The following MYO7B variants were observed in gnomAD, a reference collection of about 807,000 sequenced individuals.
MYO7B encodes the protein myosin VIIB.
Under a neutral mutation model 259.7 loss-of-function variants are expected in MYO7B, and 212 were observed. The observed-to-expected ratio is 0.82, with a 90% CI of 0.73 to 0.91. The LOEUF (loss-of-function observed/expected upper bound fraction) is 0.91, where lower values mean the gene tolerates loss of function less well. MYO7B is among the 40% of genes least tolerant of loss of function. MYO7B has a pLI of 0.00. For missense variants in MYO7B, 2,732 were observed against 2,813.5 expected (o/e 0.97, Z 0.66); for synonymous variants, 1,197 against 1,166.4 (o/e 1.03, Z -0.54).
rs1677983978 is a variant in MYO7B, at chr2:127,559,646, G to T, written c.-23-54G>T. 1 of 1,551,148 alleles carries T rather than the reference G, an allele frequency of 6.4e-7. No homozygotes were observed. The highest frequency in any genetic ancestry group is 1.1e-5 in the South Asian group (1 of 89,784). On this transcript the variant is annotated intron_variant, in intron 1 of 47. Coordinates refer to ENST00000409816, the MANE Select transcript of MYO7B (RefSeq NM_001393586.1). The surrounding 1 kb of genome is among the most constrained non-coding windows in gnomAD (Gnocchi z 4.1). The stretch of plus-strand genomic sequence containing the variant: ...CAAGCCCAGCTCCTGTGCTCCAGGG[G>T]CTCCTATTGGGGCTGTGTATGGAGC...
At position 127,612,537 on chromosome 2, in the gene MYO7B, G is replaced by T. The variant is rs370023673; in HGVS notation, c.3332G>T (p.Arg1111Leu). 6.3e-7 allele frequency: 1 copy of T among 1,590,178 alleles called. No individual in the cohort carries two copies. The highest frequency in any genetic ancestry group is 1.2e-5 in the South Asian group (1 of 86,822). Residue 1111 changes from arginine to leucine, a missense_variant, in exon 26 of 48, where the codon CGG (arginine) becomes CTG (leucine). Physicochemically the swap from Arg to Leu is moderately radical, Grantham distance 102. This residue lies in a region of MYO7B where 1,906 missense variants were observed against 2,026.4 expected (regional missense o/e 0.94). Coordinates refer to ENST00000409816, the MANE Select transcript of MYO7B (RefSeq NM_001393586.1). ...ALEPDGLGAD[R>L]PMSNLEKVHF... Reference sequence around the variant, plus strand: ...GAGCCTGATGGCCTTGGTGCAGACCGGCCCATGTCCAACCTGGAGAAGGTG... The same window carrying T: ...GAGCCTGATGGCCTTGGTGCAGACCTGCCCATGTCCAACCTGGAGAAGGTG...
intron 38 of MYO7B, 146 bp from the exon 39 acceptor site, chr2:127,632,100 C>A: frequency 1.0e-6 from 1 of 991,410 alleles, no homozygotes; most frequent in Non-Finnish European, 1.4e-6. Flanking sequence ...CCTGGCACAG[C>A]TGGCATGGTG....
chr2:127,569,575 CAGA>C (rs762642258), intron 5 of MYO7B, among the ~76,000 whole-genome samples: 3 of 152,112 alleles, frequency 2.0e-5, no homozygotes, highest in Non-Finnish European at 4.4e-5. Context: ...CAGCCAAGCA[CAGA>C]AGAAAAGACA....
rs754690384 is a variant in MYO7B at position 127,610,028 on chromosome 2, G to A, written c.3192+12G>A. On this transcript the variant is annotated intron_variant, in intron 24 of 47. Transcript: ENST00000409816. ...GTAGATCTGCACAGGCAAGTGGGGG[G>A]CAGCAGCGGGCAGAGGAGGGCGACA... 8.7e-6 allele frequency: 14 copies of A among 1,606,746 alleles called. No individual in the cohort carries two copies. The highest frequency in any genetic ancestry group is 8.5e-6 in the Non-Finnish European group (10 of 1,177,754).
rs1436436350 is a variant in MYO7B, at chr2:127,636,303, A to G, written c.6102A>G (p.Gly2034=). The G allele has an allele frequency of 6.2e-7, 1 of 1,613,212 alleles. No individual in the cohort carries two copies. ...LKWICRWPTF[G]SAFFEVKQTS... is the part of the protein sequence containing the mutation. ...GGATCTGCCGGTGGCCCACCTTCGGATCCGCCTTCTTCGAGGTGAAGGTAA... is the reference window on the plus strand; with the variant it reads ...GGATCTGCCGGTGGCCCACCTTCGGGTCCGCCTTCTTCGAGGTGAAGGTAA... Residue 2034 remains glycine, a synonymous_variant, in exon 45 of 48, where the codon GGA becomes GGG. Transcript: ENST00000409816. This position sits in a 1 kb window ranked among gnomAD's most constrained non-coding sequence, Gnocchi z 4.5.
Position 127,584,362 on chromosome 2 carries a change from T to G in MYO7B, c.1554+30T>G. The G allele has an allele frequency of 5.6e-6, 9 of 1,606,532 alleles. No individual in the cohort carries two copies. The highest frequency in any genetic ancestry group is 7.7e-6 in the Non-Finnish European group (9 of 1,173,586). ...GTGTTCGGGCCTGCCGACCTTCTGGTGGAGGCCCTGCTATGGGTCTCCTCT... is the reference window on the plus strand; with the variant it reads ...GTGTTCGGGCCTGCCGACCTTCTGGGGGAGGCCCTGCTATGGGTCTCCTCT... On this transcript the variant is annotated intron_variant, in intron 13 of 47. Transcript: ENST00000409816. The surrounding 1 kb of genome is among the most constrained non-coding windows in gnomAD (Gnocchi z 5.8).
At position 127,636,364 on chromosome 2, in the gene MYO7B, G is replaced by C. The variant is rs111650987; in HGVS notation, c.6123+40G>C. The C allele has an allele frequency of 1.3e-6, 2 of 1,568,816 alleles. No homozygotes were observed. Among genetic ancestry groups the C allele is most frequent in the Non-Finnish European group, 1.8e-6 (2 of 1,140,958 alleles). The stretch of plus-strand genomic sequence containing the variant: ...ACGCCAGGGCCTCCTACCCAAGCAG[G>C]CTCCGCTCAGCCCAGCCCCAGCAGG... On this transcript the variant is annotated intron_variant, in intron 45 of 47. Transcript: ENST00000409816. The surrounding 1 kb of genome is among the most constrained non-coding windows in gnomAD (Gnocchi z 4.5).
At position 127,566,915 on chromosome 2, in the gene MYO7B, C is replaced by G. The variant is rs2104875680; in HGVS notation, c.470+88C>G. 6.6e-6 allele frequency: 9 copies of G among 1,373,764 alleles called. No homozygotes were observed. The South Asian group carries it at 9.5e-5, about 14-fold the overall frequency. 85.1% of individuals were successfully genotyped at this position (1,373,764 alleles called of 1,614,324 possible). A position where few individuals can be genotyped will look rare whatever the true frequency, so the allele number is the denominator to read the frequency against. On this transcript the variant is annotated intron_variant, in intron 5 of 47. Coordinates refer to ENST00000409816, the MANE Select transcript of MYO7B (RefSeq NM_001393586.1). ...CCTGCAAGATCAGGCGAGATGAGAGCTCTCCCTACTCCATGGCACACACCC... is the reference window on the plus strand; with the variant it reads ...CCTGCAAGATCAGGCGAGATGAGAGGTCTCCCTACTCCATGGCACACACCC...
intron 29 of MYO7B, 78 bp from the exon 30 acceptor site, chr2:127,624,009 TACGTGC>T (rs1680976006): frequency 2.3e-6 from 3 of 1,311,206 alleles, no homozygotes; most frequent in African/African-American, 2.9e-5. Context: ...CCCTGTCTTC[TACGTGC>T]ACACGCTGAC....
chr2:127,595,207 G>A (rs1355954026), intron 18 of MYO7B, among the ~76,000 whole-genome samples: 2 of 152,144 alleles, frequency 1.3e-5, no homozygotes, highest in Admixed American at 1.3e-4. Flanking sequence ...GAGGGTGTAT[G>A]TGTCCAGGAA....
chr2:127,561,283 T>C (rs1678075272), intron 2 of MYO7B, among the ~76,000 whole-genome samples: 1 of 151,804 alleles, frequency 6.6e-6, no homozygotes. Context: ...TTTTTTTTTT[T>C]AGACAGAGTC....
At chr2:127,581,337 T>C (rs1164153927) in intron 10 of MYO7B, among the ~76,000 whole-genome samples, 1 of 152,226 alleles carries the variant, frequency 6.6e-6, no homozygotes, top group African/African-American at 2.4e-5. Flanking sequence ...AGTGAGGGGC[T>C]ACCTCTGCAA....
At chr2:127,619,057 G>C (rs1287555295) in intron 26 of MYO7B, among the ~76,000 whole-genome samples, 1 of 103,750 alleles carries the variant, frequency 9.6e-6, no homozygotes, top group Non-Finnish European at 2.4e-5. Flanking sequence ...TGGTTGGATT[G>C]TGGGGGCTGG....
chr2:127,576,703 A>C lies in MYO7B; in HGVS notation c.844A>C (p.Thr282Pro). The C allele has an allele frequency of 3.1e-6, 5 of 1,596,608 alleles. No homozygotes were observed. The highest frequency in any genetic ancestry group is 4.3e-6 in the Non-Finnish European group (5 of 1,165,924). The change falls in exon 8 of 48, where the codon ACC (threonine) becomes CCC (proline). Residue 282 changes from threonine to proline, a missense_variant. Thr to Pro is a conservative substitution (Grantham distance 38, BLOSUM62 -1). Around this residue, in one of 3 missense-constraint regions of MYO7B, gnomAD observed 1,906 missense variants for 2,026.4 expected, o/e 0.94. Transcript: ENST00000409816. The surrounding 1 kb of genome is among the most constrained non-coding windows in gnomAD (Gnocchi z 4.9). ...CACGCCCTCCGAGTACCACTACCTG[A>C]CCATGGTGAGCTGCCCACCTGCCGC... is the stretch of plus-strand genomic sequence containing the variant. ...LGTPSEYHYL[T>P]MGNCTSCEGL...
rs1297225322 is a variant in MYO7B, at chr2:127,613,361, C to T, written c.3398+758C>T. Reference sequence around the variant, plus strand: ...GTCTTCCCTAGTCTGCTGTCATATCCATCCAACAAATGTTTTATTTCAGAT... The same window carrying T: ...GTCTTCCCTAGTCTGCTGTCATATCTATCCAACAAATGTTTTATTTCAGAT... On this transcript the variant is annotated intron_variant, in intron 26 of 47. Transcript: ENST00000409816. This position sits in a 1 kb window ranked among gnomAD's most constrained non-coding sequence, Gnocchi z 4.3. 6.6e-6 allele frequency among the ~76,000 whole-genome samples: 1 copy of T among 152,126 alleles called. No individual in the cohort carries two copies. Among genetic ancestry groups the T allele is most frequent in the Non-Finnish European group, 1.5e-5 (1 of 68,018 alleles).
At position 127,623,291 on chromosome 2, in the gene MYO7B, T is replaced by C. The variant is rs1395864244; in HGVS notation, c.3735T>C (p.Ser1245=). 6.2e-7 allele frequency: 1 copy of C among 1,613,296 alleles called. No homozygotes were observed. The highest frequency in any genetic ancestry group is 8.5e-7 in the Non-Finnish European group (1 of 1,179,676). Residue 1245 remains serine, a synonymous_variant, in exon 29 of 48, where the codon TCT becomes TCC. Transcript: ENST00000409816. The part of the protein sequence containing the change: ...LTVPVDSAST[S]REMCMHIAHK... ...TCCCCGTGGACTCAGCCTCCACATC[T>C]CGGGAAATGTGCATGCACATCGCTC...
intron 26 of MYO7B, among the ~76,000 whole-genome samples, chr2:127,617,040 T>A (rs1680596319): frequency 6.6e-6 from 1 of 152,232 alleles, no homozygotes; most frequent in Non-Finnish European, 1.5e-5. Flanking sequence ...TTGGCTTCTT[T>A]TAGATCTGTC....
At chr2:127,571,734 C>G (rs1474561054) in intron 6 of MYO7B, among the ~76,000 whole-genome samples, 1 of 152,076 alleles carries the variant, frequency 6.6e-6, no homozygotes, top group Non-Finnish European at 1.5e-5. Flanking sequence ...CCCGCCTCGG[C>G]CTCCCAAAGT....
chr2:127,581,666 C>G (rs1679104608), intron 10 of MYO7B, among the ~76,000 whole-genome samples: 1 of 152,124 alleles, frequency 6.6e-6, no homozygotes. Flanking sequence ...GGGAGCCAGC[C>G]CCTTTCTCAG....
Sources: gnomAD v4.1 joint callset for allele counts (sites outside exome capture counted in the v4.1 genomes callset) on GRCh38, gnomAD v4.1.1 for gene constraint, gnomAD v4.1.1 regional missense constraint, Gnocchi (gnomAD v3.1) non-coding constraint, MANE v1.5 for transcripts, NCBI Gene and HGNC (gene_info 2026-07-23, HGNC 2026-07-21) for gene names.